The following CLUAP1 variants were observed in gnomAD, a reference collection of about 807,000 sequenced individuals.
CLUAP1 encodes the protein clusterin-associated protein 1.
A neutral mutation model predicts 55.0 loss-of-function variants in CLUAP1; 50 were observed. The observed-to-expected ratio is 0.91, with a 90% CI of 0.72 to 1.15. The LOEUF is 1.15. Ranked by LOEUF, CLUAP1 falls within the 50% of genes most tolerant of loss-of-function variation. CLUAP1 has a pLI of 0.00. For missense variants in CLUAP1, 530 were observed against 507.6 expected (o/e 1.04, Z -0.42); for synonymous variants, 195 against 175.4 (o/e 1.11, Z -0.88).
chr16:3,521,734 C>G (rs1364243143), intron 7 of CLUAP1, among the ~76,000 whole-genome samples: 2 of 151,510 alleles, frequency 1.3e-5, no homozygotes, highest in Non-Finnish European at 2.9e-5. Context: ...TCACGCCTGG[C>G]CTTTTTAAAA....
At chr16:3,503,548 C>G (rs980144472) in intron 1 of CLUAP1, among the ~76,000 whole-genome samples, 3 of 151,956 alleles carry the variant, frequency 2.0e-5, no homozygotes, top group Non-Finnish European at 4.4e-5. Context: ...CTACCCTCCT[C>G]GGCTCCCAAA....
Position 3,524,596 on chromosome 16 carries a change from CAAAAA to C in CLUAP1, c.855+1318_855+1322del, listed in dbSNP as rs755040158. ...TGGGCGACAGAGCAAGACACCATCTCAAAAAAAAAAAAAAAAAAAAAAAAAGAAAG... is the reference window on the plus strand; with the variant it reads ...TGGGCGACAGAGCAAGACACCATCTCAAAAAAAAAAAAAAAAAAAAGAAAG... On this transcript the variant is annotated intron_variant, in intron 8 of 11. Transcript: ENST00000576634. 0.011 allele frequency among the ~76,000 whole-genome samples: 388 copies of C among 34,248 alleles called. 3 individuals carry two copies. The East Asian group carries it at 0.12, about 10-fold the overall frequency. The allele number at this position is 34,248 out of a possible 152,430, so 22.5% of individuals were successfully genotyped here. A position where few individuals can be genotyped will look rare whatever the true frequency, so the allele number is the denominator to read the frequency against.
At chr16:3,519,109 G>T (rs936216497) in intron 6 of CLUAP1, among the ~76,000 whole-genome samples, 1 of 152,202 alleles carries the variant, frequency 6.6e-6, no homozygotes, top group African/African-American at 2.4e-5. Flanking sequence ...CGGACAAGAC[G>T]CATGTGAAGA....
chr16:3,499,337 G>C (rs1222499817), upstream of CLUAP1, among the ~76,000 whole-genome samples: 1 of 152,022 alleles, frequency 6.6e-6, no homozygotes, highest in Non-Finnish European at 1.5e-5. Flanking sequence ...AAGAGCAAGA[G>C]TCCATCTCAA....
chr16:3,519,974 C>T lies in CLUAP1; in HGVS notation c.651C>T (p.Ile217=), dbSNP rs748456720. 9.3e-6 allele frequency: 15 copies of T among 1,613,214 alleles called. No homozygotes were observed. In the South Asian group the frequency reaches 1.1e-4, roughly 12 times the overall value. ...ASDEANLEAK[I]EKRKLELERN... ...ATGAAGCTAATTTAGAAGCCAAAAT[C>T]GAAAAGAGAAAATTAGAACTGGAAA... The change falls in exon 7 of 12, where the codon ATC becomes ATT. Residue 217 remains isoleucine (I), a synonymous_variant. Coordinates refer to ENST00000576634, the MANE Select transcript of CLUAP1 (RefSeq NM_015041.3).
At position 3,536,855 on chromosome 16, in the gene CLUAP1, T is replaced by C. The variant is rs1244419092; in HGVS notation, c.*584T>C. Reference sequence around the variant, plus strand: ...TTTTCTGAAAGAAGGTTAGCTAAAGTTAAATGAAAACTTGGTTTCTTTGAA... The same window carrying C: ...TTTTCTGAAAGAAGGTTAGCTAAAGCTAAATGAAAACTTGGTTTCTTTGAA... On this transcript the variant is annotated 3_prime_UTR_variant, in exon 12 of 12. Coordinates refer to ENST00000576634, the MANE Select transcript of CLUAP1 (RefSeq NM_015041.3). 1 of 152,258 alleles carries C rather than the reference T, an allele frequency of 6.6e-6. No homozygotes were observed. Among genetic ancestry groups the C allele is most frequent in the Non-Finnish European group, 1.5e-5 (1 of 68,052 alleles). The allele number at this position is 152,258 out of a possible 1,614,324, so 9.4% of individuals were successfully genotyped here. A position where few individuals can be genotyped will look rare whatever the true frequency, so the allele number is the denominator to read the frequency against.
intron 4 of CLUAP1, among the ~76,000 whole-genome samples, chr16:3,512,167 C>T (rs960593510): frequency 1.5e-5 from 2 of 136,632 alleles, no homozygotes. Context: ...GCCTAGGCAA[C>T]AAGAACGAAA....
intron 7 of CLUAP1, among the ~76,000 whole-genome samples, chr16:3,521,033 C>T (rs538255019): frequency 3.3e-5 from 5 of 152,270 alleles, no homozygotes; most frequent in African/African-American, 4.8e-5. Flanking sequence ...CCCACTGTCC[C>T]GAGGTCTGTG....
rs1318258963 is a variant in CLUAP1 at position 3,523,292 on chromosome 16, G to T, written c.848G>T (p.Arg283Met). The T allele has an allele frequency of 6.2e-7, 1 of 1,611,336 alleles. No homozygotes were observed. The change falls in exon 8 of 12, where the codon AGG becomes ATG. Residue 283 changes from arginine (R) to methionine (M), a missense_variant. Physicochemically the swap from Arg to Met is moderately conservative, Grantham distance 91 (BLOSUM62 -1). Transcript: ENST00000576634. ...LEDHHRMEQE[R>M]FEEAKNTLCL... The stretch of plus-strand genomic sequence containing the variant: ...GACCATCATAGGATGGAGCAAGAAA[G>T]GTTTGAGGTGAGCTGAGCCTGTCCT...
rs545466015 is a variant in CLUAP1, at chr16:3,532,967, G to T, written c.1092+126G>T. ...ATGGTCAGCCCGGCCGTGCCTCGAT[G>T]CGTGGCAGGGTTTGGCCTCATGAGG... On this transcript the variant is annotated intron_variant, in intron 11 of 11. Transcript: ENST00000576634. The T allele has an allele frequency of 5.6e-5, 75 of 1,347,038 alleles. No homozygotes were observed. The Admixed American group carries it at 1.0e-3, about 18-fold the overall frequency. The allele number at this position is 1,347,038 out of a possible 1,614,324, so 83.4% of individuals were successfully genotyped here. A position where few individuals can be genotyped will look rare whatever the true frequency, so the allele number is the denominator to read the frequency against.
upstream of CLUAP1, chr16:3,500,879 G>C: frequency 1.6e-6 from 1 of 621,228 alleles, no homozygotes; most frequent in Non-Finnish European, 2.8e-6. Flanking sequence ...CGTCTCAGGA[G>C]CGCTCTCTGC....
upstream of CLUAP1, chr16:3,500,871 T>A (rs575373313): frequency 3.3e-6 from 2 of 606,096 alleles, no homozygotes; most frequent in Admixed American, 3.0e-5. Context: ...GCCCTCGGCG[T>A]CTCAGGAGCG....
intron 6 of CLUAP1, 84 bp downstream of exon 6, chr16:3,515,675 G>T: frequency 1.1e-6 from 1 of 897,044 alleles, no homozygotes; most frequent in Non-Finnish European, 1.6e-6. Context: ...GACAGAACAA[G>T]CTAGGCTTAG....
intron 8 of CLUAP1, among the ~76,000 whole-genome samples, chr16:3,525,306 C>T (rs1342410660): frequency 6.6e-6 from 1 of 152,156 alleles, no homozygotes; most frequent in African/African-American, 2.4e-5. Context: ...GTTCAGAGAA[C>T]AAACCAAACA....
intron 1 of CLUAP1, among the ~76,000 whole-genome samples, chr16:3,504,189 C>A (rs1049376737): frequency 1.3e-5 from 2 of 152,072 alleles, no homozygotes; most frequent in Non-Finnish European, 2.9e-5. Context: ...TCTCTAAATA[C>A]AAGGCGACTG....
the CLUAP1 span, chr16:3,495,441 GA>G: frequency 6.2e-7 from 1 of 1,607,836 alleles, no homozygotes; most frequent in African/African-American, 1.3e-5. Context: ...GTGTGGTGGG[GA>G]GGAGCAACCA....
intron 10 of CLUAP1, 67 bp from the exon 11 acceptor site, chr16:3,532,719 T>G: frequency 6.5e-7 from 1 of 1,547,548 alleles, no homozygotes; most frequent in South Asian, 1.1e-5. Flanking sequence ...AAAACAAATC[T>G]TGAATGCTAT....
chr16:3,508,826 T>C (rs1357535943), intron 4 of CLUAP1, among the ~76,000 whole-genome samples: 1 of 152,036 alleles, frequency 6.6e-6, no homozygotes, highest in African/African-American at 2.4e-5. Flanking sequence ...GGGATGGGGA[T>C]GGATGCTGCC....
chr16:3,522,601 C>T (rs749471531), intron 7 of CLUAP1, among the ~76,000 whole-genome samples: 20 of 152,046 alleles, frequency 1.3e-4, no homozygotes, highest in Non-Finnish European at 1.8e-4. Flanking sequence ...TGGAGTGCCA[C>T]GGCAAGGTCA....
Sources: allele counts gnomAD v4.1 joint callset (sites outside exome capture counted in the v4.1 genomes callset), GRCh38; gene constraint gnomAD v4.1.1; transcripts MANE v1.5; gene names NCBI Gene and HGNC (gene_info 2026-07-23, HGNC 2026-07-21).